The following VRK2 variants were observed in gnomAD, a reference collection of about 807,000 sequenced individuals.
The protein encoded by VRK2 is serine/threonine-protein kinase VRK2.
A neutral mutation model predicts 57.6 loss-of-function variants in VRK2; 60 were observed. That is an observed-to-expected ratio of 1.04 (90% CI 0.85 to 1.29). The LOEUF (loss-of-function observed/expected upper bound fraction) is 1.29. VRK2 is among the 50% of genes most tolerant of loss of function. The pLI, the probability that VRK2 is intolerant of heterozygous loss-of-function variation, is 0.00. For missense variants in VRK2, 705 were observed against 588.1 expected, an observed-to-expected ratio of 1.20 and a Z score of -2.06; for synonymous variants, 231 against 199.2, an observed-to-expected ratio of 1.16 and a Z score of -1.35.
intron 1 of VRK2, among the ~76,000 whole-genome samples, chr2:57,993,836 C>T (rs1406168069): frequency 6.6e-6 from 1 of 152,160 alleles, no homozygotes; most frequent in African/African-American, 2.4e-5. Context: ...ATAGCAACAT[C>T]AGGGTATGTC....
At chr2:58,144,730 C>T (rs1417655185) in intron 11 of VRK2, among the ~76,000 whole-genome samples, 1 of 151,856 alleles carries the variant, frequency 6.6e-6, no homozygotes, top group Non-Finnish European at 1.5e-5. Context: ...TAAATTTTCC[C>T]AGTAGTTTGG....
intron 12 of VRK2, among the ~76,000 whole-genome samples, chr2:58,151,403 A>G (rs1057441305): frequency 6.6e-6 from 1 of 151,796 alleles, no homozygotes; most frequent in African/African-American, 2.4e-5. Context: ...CAGCCTTCCT[A>G]TGATTAACAT....
intron 1 of VRK2, among the ~76,000 whole-genome samples, chr2:57,939,060 C>G (rs2103951316): frequency 6.6e-6 from 1 of 152,178 alleles, no homozygotes; most frequent in East Asian, 1.9e-4. Context: ...GAAGAGGGAT[C>G]TGGAAGAAAA....
chr2:57,954,636 G>A (rs1197637829), intron 1 of VRK2, among the ~76,000 whole-genome samples: 1 of 151,930 alleles, frequency 6.6e-6, no homozygotes, highest in Admixed American at 6.6e-5. Context: ...GTGTTACTAA[G>A]TTCAGAGTGT....
chr2:58,086,361 A>T lies in VRK2; in HGVS notation c.279A>T (p.Lys93Asn), dbSNP rs753131070. The change falls in exon 5 of 13, where the codon AAA (lysine) becomes AAT (asparagine). Residue 93 changes from lysine to asparagine, a missense_variant. Lys to Asn is a moderately conservative substitution (Grantham distance 94). Coordinates refer to ENST00000340157, the MANE Select transcript of VRK2 (RefSeq NM_006296.7). ...KDCIKKWIER[K>N]QLDYLGIPLF... is the part of the protein sequence containing the mutation. ...TAGTCAAAAAGTGGATAGAACGCAA[A>T]CAACTTGATTATTTAGGAATTCCTC... The T allele has an allele frequency of 8.7e-6, 14 of 1,605,752 alleles. No individual in the cohort carries two copies. Among genetic ancestry groups the T allele is most frequent in the Non-Finnish European group, 1.2e-5 (14 of 1,177,714 alleles).
intron 8 of VRK2, among the ~76,000 whole-genome samples, chr2:58,128,836 C>G (rs1678753684): frequency 6.6e-6 from 1 of 152,120 alleles, no homozygotes; most frequent in Non-Finnish European, 1.5e-5. Context: ...GGTAGAGTGC[C>G]AGGCATAGTA....
chr2:58,101,487 T>C (rs1573103681), intron 7 of VRK2, among the ~76,000 whole-genome samples: 1 of 151,888 alleles, frequency 6.6e-6, no homozygotes, highest in East Asian at 1.9e-4. Flanking sequence ...TAACGTCAGG[T>C]ACAGTTTTAT....
chr2:58,140,306 TA>T (rs1325700003), intron 11 of VRK2, among the ~76,000 whole-genome samples: 2 of 151,956 alleles, frequency 1.3e-5, no homozygotes, highest in African/African-American at 2.4e-5. Flanking sequence ...AGATCTAGGT[TA>T]AAAAAAATCA....
chr2:58,046,401 C>T (rs978061526), upstream of VRK2: 4 of 797,610 alleles, frequency 5.0e-6, no homozygotes, highest in African/African-American at 7.5e-5. Context: ...TTCGCTAGTA[C>T]CAATAGTTAG....
chr2:58,015,876 T>C (rs1397554994), intron 1 of VRK2, among the ~76,000 whole-genome samples: 3 of 152,220 alleles, frequency 2.0e-5, no homozygotes, highest in African/African-American at 4.8e-5. Flanking sequence ...TTGATCTCTG[T>C]CTTCAGACAT....
intron 7 of VRK2, among the ~76,000 whole-genome samples, chr2:58,119,193 A>T (rs1677020112): frequency 6.6e-6 from 1 of 152,024 alleles, no homozygotes; most frequent in South Asian, 2.1e-4. Flanking sequence ...GAGGCCTTTC[A>T]GTTTCCTTTA....
At chr2:57,948,873 A>G (rs1295987858) in intron 1 of VRK2, among the ~76,000 whole-genome samples, 1 of 152,146 alleles carries the variant, frequency 6.6e-6, no homozygotes, top group Non-Finnish European at 1.5e-5. Flanking sequence ...GTGTCATTGA[A>G]GTTAAGCGGA....
At chr2:58,114,880 T>C (rs1344373290) in intron 7 of VRK2, among the ~76,000 whole-genome samples, 1 of 152,116 alleles carries the variant, frequency 6.6e-6, no homozygotes, top group Non-Finnish European at 1.5e-5. Context: ...AAGCGTCTAT[T>C]TAGACTAAGA....
chr2:57,928,270 T>C (rs1217687130), intron 1 of VRK2, among the ~76,000 whole-genome samples: 2 of 152,148 alleles, frequency 1.3e-5, no homozygotes, highest in Non-Finnish European at 1.5e-5. Flanking sequence ...TCAGATAGCC[T>C]GTCTTCAAGC....
intron 2 of VRK2, among the ~76,000 whole-genome samples, chr2:58,073,169 A>G (rs1669592525): frequency 1.3e-5 from 2 of 152,110 alleles, no homozygotes; most frequent in African/African-American, 4.8e-5. Flanking sequence ...GTCTGAGAAC[A>G]TACTTTGTAT....
chr2:58,096,503 T>C (rs774050020), intron 7 of VRK2, among the ~76,000 whole-genome samples: 9 of 152,028 alleles, frequency 5.9e-5, no homozygotes, highest in Non-Finnish European at 7.4e-5. Flanking sequence ...TTTTCAATTT[T>C]ATTTGTGCGG....
chr2:58,076,830 A>G (rs1670184790), intron 2 of VRK2, among the ~76,000 whole-genome samples: 1 of 151,852 alleles, frequency 6.6e-6, no homozygotes, highest in African/African-American at 2.4e-5. Flanking sequence ...GTTTGTTTTT[A>G]TACTTTAAAA....
intron 1 of VRK2, among the ~76,000 whole-genome samples, chr2:58,013,999 AAT>A (rs1673497921): frequency 6.6e-6 from 1 of 152,182 alleles, no homozygotes; most frequent in Non-Finnish European, 1.5e-5. Flanking sequence ...ATACTTTCAT[AAT>A]ACTTTCAGGA....
intron 1 of VRK2, among the ~76,000 whole-genome samples, chr2:57,974,683 T>C (rs1171587340): frequency 1.3e-5 from 2 of 151,776 alleles, no homozygotes; most frequent in Non-Finnish European, 2.9e-5. Context: ...ACTTCAATTA[T>C]TAAATAGAAA....
Sources: gnomAD v4.1 joint callset for allele counts (sites outside exome capture counted in the v4.1 genomes callset) on GRCh38, gnomAD v4.1.1 for gene constraint, MANE v1.5 for transcripts, NCBI Gene and HGNC (gene_info 2026-07-23, HGNC 2026-07-21) for gene names.